Variants in CAMK4 observed in about 807,000 individuals in gnomAD.
CAMK4 encodes calcium/calmodulin-dependent protein kinase type IV.
A neutral mutation model predicts 44.9 loss-of-function variants in CAMK4; 22 were observed. The observed-to-expected ratio is 0.49, with a 90% confidence interval of 0.35 to 0.70. The LOEUF (loss-of-function observed/expected upper bound fraction) is 0.70, where lower values mean the gene tolerates loss of function less well. Among genes scored for constraint, CAMK4 ranks in the 30% least tolerant of loss-of-function variants. The probability of loss-of-function intolerance (pLI) is 0.01; values close to 1 mark genes in which losing one functional copy is unlikely to be tolerated. For synonymous variants in CAMK4, 218 were observed against 215.4 expected (o/e 1.01, Z -0.11); for missense variants, 498 against 586.8 (o/e 0.85, Z 1.56).
intron 1 of CAMK4, among the ~76,000 whole-genome samples, chr5:111,337,545 A>C (rs1433630346): frequency 6.7e-6 from 1 of 149,618 alleles, no homozygotes; most frequent in Non-Finnish European, 1.5e-5. Context: ...AGTGTTGTTG[A>C]AGTCACAATA....
chr5:111,251,449 C>G (rs1580480793), intron 1 of CAMK4, among the ~76,000 whole-genome samples: 1 of 152,234 alleles, frequency 6.6e-6, no homozygotes, highest in South Asian at 2.1e-4. Flanking sequence ...TAAAAAAACT[C>G]CAAGACAGTC....
chr5:111,264,324 C>T (rs1750132878), intron 1 of CAMK4, among the ~76,000 whole-genome samples: 1 of 152,068 alleles, frequency 6.6e-6, no homozygotes, highest in Admixed American at 6.6e-5. Context: ...GTTTGGTGTG[C>T]CGATGGTGAT....
intron 1 of CAMK4, among the ~76,000 whole-genome samples, chr5:111,251,057 C>T (rs1023572859): frequency 2.0e-4 from 30 of 152,192 alleles, no homozygotes; most frequent in Admixed American, 2.0e-3. Context: ...CTATGGCTTG[C>T]TATGCTTAAA....
At chr5:111,452,486 A>G (rs2112984384) in intron 7 of CAMK4, among the ~76,000 whole-genome samples, 1 of 152,306 alleles carries the variant, frequency 6.6e-6, no homozygotes, top group Admixed American at 6.5e-5. Flanking sequence ...TAGAAAGAAA[A>G]CAGACAAATT....
At chr5:111,411,752 T>C (rs1356067304) in intron 5 of CAMK4, among the ~76,000 whole-genome samples, 1 of 152,204 alleles carries the variant, frequency 6.6e-6, no homozygotes, top group Non-Finnish European at 1.5e-5. Flanking sequence ...ACATTAGACT[T>C]GCACTAATCC....
At chr5:111,425,454 C>T (rs1580735781) in intron 5 of CAMK4, among the ~76,000 whole-genome samples, 2 of 152,310 alleles carry the variant, frequency 1.3e-5, no homozygotes, top group African/African-American at 2.4e-5. Context: ...CAAGCACCTG[C>T]CACCTCCTCC....
chr5:111,389,446 CA>C, intron 4 of CAMK4, among the ~76,000 whole-genome samples: 1 of 152,136 alleles, frequency 6.6e-6, no homozygotes, highest in South Asian at 2.1e-4. Flanking sequence ...CATAATAAAC[CA>C]AAATATAGAG....
At chr5:111,368,682 C>A (rs980451845) in intron 2 of CAMK4, among the ~76,000 whole-genome samples, 1 of 152,108 alleles carries the variant, frequency 6.6e-6, no homozygotes, top group Non-Finnish European at 1.5e-5. Flanking sequence ...TTCAAAATTA[C>A]CCTCTGCTGG....
chr5:111,229,939 T>C (rs1430791074), intron 1 of CAMK4, among the ~76,000 whole-genome samples: 1 of 152,182 alleles, frequency 6.6e-6, no homozygotes, highest in Non-Finnish European at 1.5e-5. Context: ...TGGTTCACTA[T>C]TATGTGCTCA....
chr5:111,366,572 A>C (rs1199629053), intron 2 of CAMK4, among the ~76,000 whole-genome samples: 1 of 152,028 alleles, frequency 6.6e-6, no homozygotes, highest in Admixed American at 6.6e-5. Flanking sequence ...TTTTCTTCAT[A>C]TGTTTTTAAT....
chr5:111,315,024 C>A (rs766190112), intron 1 of CAMK4, among the ~76,000 whole-genome samples: 12 of 152,044 alleles, frequency 7.9e-5, no homozygotes, highest in Non-Finnish European at 1.6e-4. Context: ...TTCTACATGG[C>A]TATTTCTGTT....
intron 1 of CAMK4, among the ~76,000 whole-genome samples, chr5:111,281,580 G>C (rs1282721580): frequency 6.6e-6 from 1 of 152,132 alleles, no homozygotes; most frequent in East Asian, 1.9e-4. Context: ...ATAATCCAGA[G>C]AGATCTTTTT....
At chr5:111,264,172 G>T (rs1164714040) in intron 1 of CAMK4, among the ~76,000 whole-genome samples, 2 of 152,160 alleles carry the variant, frequency 1.3e-5, no homozygotes, top group African/African-American at 4.8e-5. Flanking sequence ...GAGTTGTGTT[G>T]TTGTCTGTGG....
intron 5 of CAMK4, among the ~76,000 whole-genome samples, chr5:111,430,782 A>G (rs908022534): frequency 2.0e-5 from 3 of 152,316 alleles, no homozygotes; most frequent in African/African-American, 7.2e-5. Flanking sequence ...ACCATAAAAT[A>G]CTGATGAAGG....
intron 5 of CAMK4, among the ~76,000 whole-genome samples, chr5:111,395,940 C>G (rs1052920736): frequency 3.3e-5 from 5 of 151,970 alleles, no homozygotes; most frequent in African/African-American, 1.2e-4. Flanking sequence ...CTCTATTATT[C>G]GGAGTTAGTT....
intron 7 of CAMK4, among the ~76,000 whole-genome samples, chr5:111,458,674 G>T (rs1454212803): frequency 6.6e-6 from 1 of 152,168 alleles, no homozygotes; most frequent in African/African-American, 2.4e-5. Flanking sequence ...CTGGGTTACA[G>T]TTTAAACAAG....
At chr5:111,479,456 A>G (rs1438799106) in intron 9 of CAMK4, among the ~76,000 whole-genome samples, 1 of 152,190 alleles carries the variant, frequency 6.6e-6, no homozygotes, top group Non-Finnish European at 1.5e-5. Flanking sequence ...TTTCTCATCA[A>G]TCCACTAGAG....
In CAMK4 at chr5:111,264,915, A is replaced by G. The variant is rs536098117; in HGVS notation, c.161+40271A>G. The stretch of plus-strand genomic sequence containing the variant: ...GTGTCAGATCCCTCTGTAAGTTTCC[A>G]TGACTGGCTTTCTTGCCGTTGACCT... On this transcript the variant is annotated intron_variant, in intron 1 of 10. Coordinates refer to ENST00000282356, the MANE Select transcript of CAMK4 (RefSeq NM_001744.6). Among the ~76,000 whole-genome samples, 16 of 152,168 alleles carry G rather than the reference A, an allele frequency of 1.1e-4. No homozygotes were observed. In the South Asian group the frequency reaches 2.5e-3, roughly 24 times the overall value.
At chr5:111,419,730 G>C (rs1752952785) in intron 5 of CAMK4, among the ~76,000 whole-genome samples, 1 of 152,028 alleles carries the variant, frequency 6.6e-6, no homozygotes, top group Admixed American at 6.6e-5. Context: ...TTTTTGTCAG[G>C]TTTGTCAAAG....
Sources: allele counts gnomAD v4.1 joint callset (sites outside exome capture counted in the v4.1 genomes callset), GRCh38; gene constraint gnomAD v4.1.1; transcripts MANE v1.5; gene names NCBI Gene and HGNC (gene_info 2026-07-23, HGNC 2026-07-21).